Variants in LRP1B observed in about 807,000 individuals in gnomAD.
LRP1B encodes the protein low-density lipoprotein receptor-related protein 1B.
A neutral mutation model predicts 556.6 loss-of-function variants in LRP1B; 217 were observed. The ratio of observed to expected loss-of-function variants is 0.39; its 90% CI spans 0.35 to 0.44. The LOEUF is 0.44. Among genes scored for constraint, LRP1B ranks in the 20% least tolerant of loss-of-function variants. The pLI, the probability that LRP1B is intolerant of heterozygous loss-of-function variation, is 1.00. For synonymous variants in LRP1B, 2,047 were observed against 1,865.8 expected (o/e 1.10, Z -2.50); for missense variants, 5,053 against 5,620.8 (o/e 0.90, Z 3.23).
chr2:140,741,990 A>G (rs1265645513), intron 35 of LRP1B, among the ~76,000 whole-genome samples: 3 of 152,154 alleles, frequency 2.0e-5, no homozygotes, highest in Admixed American at 6.6e-5. Flanking sequence ...GTATTAGTTG[A>G]CTATCTTACT....
At chr2:141,297,338 A>G (rs1686220269) in intron 3 of LRP1B, among the ~76,000 whole-genome samples, 1 of 152,212 alleles carries the variant, frequency 6.6e-6, no homozygotes, top group African/African-American at 2.4e-5. Flanking sequence ...AGAAAAGGGA[A>G]TGCCTATGCA....
At chr2:141,763,056 G>A (rs1221699541) in intron 2 of LRP1B, among the ~76,000 whole-genome samples, 3 of 152,156 alleles carry the variant, frequency 2.0e-5, no homozygotes, top group South Asian at 2.1e-4. Context: ...TATATTTGTA[G>A]CCCTTTCATG....
chr2:141,883,906 A>G (rs933110997), intron 1 of LRP1B, among the ~76,000 whole-genome samples: 2 of 152,210 alleles, frequency 1.3e-5, no homozygotes, highest in Non-Finnish European at 2.9e-5. Flanking sequence ...ACCAAATCCA[A>G]GTTGATACTT....
Position 140,989,581 on chromosome 2 carries a change from T to C in LRP1B, c.2721A>G (p.Gly907=). 6.2e-7 allele frequency: 1 copy of C among 1,613,328 alleles called. No homozygotes were observed. Among genetic ancestry groups the C allele is most frequent in the Non-Finnish European group, 8.5e-7 (1 of 1,179,492 alleles). Residue 907 remains glycine, a synonymous_variant, in exon 17 of 91, where the codon GGA becomes GGG. Transcript: ENST00000389484. ...CTTCATTGCTCCCACAGTCATTAGC[T>C]CCATCACAAAGCCATCTCTTGGGGA... ...RCIPKRWLCD[G]ANDCGSNEDE... is the part of the protein sequence containing the mutation.
intron 11 of LRP1B, among the ~76,000 whole-genome samples, chr2:141,045,276 G>A (rs1490449405): frequency 2.7e-5 from 3 of 111,458 alleles, no homozygotes; most frequent in Non-Finnish European, 5.4e-5. Flanking sequence ...GTTGTGGGGT[G>A]GGGGGAGGGG....
At chr2:140,578,737 T>A (rs1419892063) in intron 43 of LRP1B, among the ~76,000 whole-genome samples, 1 of 151,854 alleles carries the variant, frequency 6.6e-6, no homozygotes, top group Non-Finnish European at 1.5e-5. Flanking sequence ...ACTTAAAGTA[T>A]AATAAAAAAA....
chr2:141,709,152 C>T (rs1330097149), intron 2 of LRP1B, among the ~76,000 whole-genome samples: 1 of 151,934 alleles, frequency 6.6e-6, no homozygotes, highest in Non-Finnish European at 1.5e-5. Flanking sequence ...AGTTCAAGAC[C>T]AGCCTGAGCA....
intron 45 of LRP1B, among the ~76,000 whole-genome samples, chr2:140,540,606 T>C (rs777528828): frequency 2.0e-5 from 3 of 152,160 alleles, no homozygotes; most frequent in Non-Finnish European, 2.9e-5. Flanking sequence ...GCTACTGATA[T>C]ACTGCCTGTA....
intron 60 of LRP1B, among the ~76,000 whole-genome samples, chr2:140,459,415 G>T (rs1687227510): frequency 6.6e-6 from 1 of 152,124 alleles, no homozygotes; most frequent in Non-Finnish European, 1.5e-5. Flanking sequence ...CTCGTTAGAT[G>T]CAAAGGTGAT....
chr2:140,425,036 C>T (rs915447948), intron 66 of LRP1B, among the ~76,000 whole-genome samples: 1 of 151,548 alleles, frequency 6.6e-6, no homozygotes, highest in African/African-American at 2.4e-5. Flanking sequence ...TAATCCCTGG[C>T]CTGGTCTTGG....
intron 6 of LRP1B, among the ~76,000 whole-genome samples, chr2:141,211,306 A>ATTT (rs1682538258): frequency 1.4e-5 from 2 of 145,264 alleles, no homozygotes; most frequent in South Asian, 2.2e-4. Flanking sequence ...TTTTTTTTTA[A>ATTT]AAAAAAAAAA....
Position 140,297,980 on chromosome 2 carries a change from C to A in LRP1B, c.12806-11G>T, listed in dbSNP as rs1258563915. 2 of 1,569,878 alleles carry A rather than the reference C, an allele frequency of 1.3e-6. No homozygotes were observed. Among genetic ancestry groups the A allele is most frequent in the East Asian group, 2.3e-5 (1 of 43,736 alleles). On this transcript the variant is annotated splice_polypyrimidine_tract_variant and intron_variant, in intron 83 of 90. Coordinates refer to ENST00000389484, the MANE Select transcript of LRP1B (RefSeq NM_018557.3). ...TGCAGGTGGGTCTCCCTATTGGAAACAATAAGTAATAAAAAGCAAATTATT... is the reference window on the plus strand; with the variant it reads ...TGCAGGTGGGTCTCCCTATTGGAAAAAATAAGTAATAAAAAGCAAATTATT...
Position 140,506,865 on chromosome 2 carries a change from T to C in LRP1B, c.8452A>G (p.Ile2818Val). The change falls in exon 53 of 91, where the codon ATT becomes GTT. Residue 2818 changes from isoleucine to valine, a missense_variant. Ile to Val is a conservative substitution (Grantham distance 29, BLOSUM62 3). Transcript: ENST00000389484. ...TGGTCACAAACAAATTGCTTGGGAATGCATACTTTATTATGGCACATGAAA... is the reference window on the plus strand; with the variant it reads ...TGGTCACAAACAAATTGCTTGGGAACGCATACTTTATTATGGCACATGAAA... ...NAFMCHNKVCIPKQFVCDHDD... is the reference protein window; with the variant it reads ...NAFMCHNKVCVPKQFVCDHDD... The C allele has an allele frequency of 6.2e-7, 1 of 1,614,112 alleles. No homozygotes were observed. Among genetic ancestry groups the C allele is most frequent in the Non-Finnish European group, 8.5e-7 (1 of 1,179,986 alleles).
At chr2:140,958,054 G>A (rs1695924997) in intron 18 of LRP1B, among the ~76,000 whole-genome samples, 1 of 151,414 alleles carries the variant, frequency 6.6e-6, no homozygotes, top group Admixed American at 6.6e-5. Flanking sequence ...TTTCAGAACA[G>A]TGACAGGGTG....
intron 47 of LRP1B, among the ~76,000 whole-genome samples, chr2:140,529,535 T>C (rs774366639): frequency 6.6e-6 from 1 of 151,926 alleles, no homozygotes; most frequent in African/African-American, 2.4e-5. Context: ...GTTCTAAGGG[T>C]GCACAAATCT....
rs78747827 is a variant in LRP1B, at chr2:141,072,418, A to G, written c.1014-10145T>C. 5.9e-3 allele frequency among the ~76,000 whole-genome samples: 899 copies of G among 152,120 alleles called. 10 individuals carry two copies. The highest frequency in any genetic ancestry group is 0.02 in the African/African-American group (848 of 41,530). On this transcript the variant is annotated intron_variant, in intron 7 of 90. Transcript: ENST00000389484. Reference sequence around the variant, plus strand: ...ATGTCTACAGGATAATTAATCCAAAACTTTATTCTTTGTTTCCTTGGCCTC... The same window carrying G: ...ATGTCTACAGGATAATTAATCCAAAGCTTTATTCTTTGTTTCCTTGGCCTC...
At chr2:140,739,440 A>T (rs1688062946) in intron 35 of LRP1B, among the ~76,000 whole-genome samples, 1 of 152,194 alleles carries the variant, frequency 6.6e-6, no homozygotes, top group Non-Finnish European at 1.5e-5. Flanking sequence ...TGAAACAAAG[A>T]TAAAGAGTAG....
intron 7 of LRP1B, among the ~76,000 whole-genome samples, chr2:141,077,679 T>G (rs796547500): frequency 4.6e-5 from 7 of 152,334 alleles, no homozygotes; most frequent in African/African-American, 1.7e-4. Flanking sequence ...AAGTTCCACC[T>G]GTGGATTACC....
At chr2:140,844,499 T>C (rs889538770) in intron 29 of LRP1B, among the ~76,000 whole-genome samples, 60 of 152,014 alleles carry the variant, frequency 3.9e-4, no homozygotes, top group African/African-American at 1.4e-3. Flanking sequence ...TGTTGCAGAG[T>C]GCTCTGGTAA....
Sources: gnomAD v4.1 joint callset for allele counts (sites outside exome capture counted in the v4.1 genomes callset) on GRCh38, gnomAD v4.1.1 for gene constraint, MANE v1.5 for transcripts, NCBI Gene and HGNC (gene_info 2026-07-23, HGNC 2026-07-21) for gene names.